ATP11A: variants seen among roughly 807,000 people sequenced by gnomAD.
ATP11A encodes the protein phospholipid-transporting ATPase IH.
A neutral mutation model predicts 154.4 loss-of-function variants in ATP11A; 81 were observed. The observed-to-expected ratio is 0.52, with a 90% CI of 0.44 to 0.63. ATP11A has a LOEUF of 0.63. Among genes scored for constraint, ATP11A ranks in the 30% least tolerant of loss-of-function variants. The pLI is 0.00. For missense variants in ATP11A, 1,316 were observed against 1,474.3 expected (o/e 0.89, Z 1.76); for synonymous variants, 623 against 585.9 (o/e 1.06, Z -0.91).
chr13:112,720,471 G>A (rs76014272), intron 1 of ATP11A, among the ~76,000 whole-genome samples: 18 of 152,338 alleles, frequency 1.2e-4, no homozygotes, highest in East Asian at 1.9e-4. Context: ...CTGTGGCCGC[G>A]GGTCCCGTGA....
intron 1 of ATP11A, among the ~76,000 whole-genome samples, chr13:112,765,655 G>A (rs1256795582): frequency 1.3e-5 from 2 of 152,220 alleles, no homozygotes; most frequent in African/African-American, 4.8e-5. Context: ...AGAGACCTAA[G>A]AACCATTCGA....
intron 1 of ATP11A, among the ~76,000 whole-genome samples, chr13:112,714,546 C>T (rs997120725): frequency 6.6e-6 from 1 of 152,214 alleles, no homozygotes; most frequent in Non-Finnish European, 1.5e-5. Flanking sequence ...CACTCCTGAC[C>T]TGGAGGCCCG....
chr13:112,759,897 G>A (rs1463311944), intron 1 of ATP11A, among the ~76,000 whole-genome samples: 1 of 152,168 alleles, frequency 6.6e-6, no homozygotes, highest in Non-Finnish European at 1.5e-5. Context: ...CATTTTTCAT[G>A]TGAGTTGCTT....
rs756900904 is a variant in ATP11A at position 112,732,604 on chromosome 13, AGTTT to A, written c.39+42162_39+42165del. Among the ~76,000 whole-genome samples the A allele has an allele frequency of 1.6e-4, 25 of 152,210 alleles. No homozygotes were observed. In the South Asian group the frequency reaches 3.3e-3, roughly 20 times the overall value. On this transcript the variant is annotated intron_variant, in intron 1 of 29. Transcript: ENST00000375645. The stretch of plus-strand genomic sequence containing the variant: ...TTATTTTATGACCATATCTGCCTCT[AGTTT>A]GTTTGTTTGTTTATTTATTTTGAGA...
chr13:112,760,960 T>G (rs2076947808), intron 1 of ATP11A, among the ~76,000 whole-genome samples: 1 of 152,228 alleles, frequency 6.6e-6, no homozygotes, highest in African/African-American at 2.4e-5. Context: ...AACCGAGGTA[T>G]GAAAATATTA....
At chr13:112,792,241 C>T (rs983954905) in intron 2 of ATP11A, among the ~76,000 whole-genome samples, 4 of 152,100 alleles carry the variant, frequency 2.6e-5, no homozygotes, top group African/African-American at 4.8e-5. Flanking sequence ...CTGACAGTAA[C>T]CTTGATCCAG....
In ATP11A at chr13:112,857,842, A is replaced by G. The variant is rs1020657507; in HGVS notation, c.2443A>G (p.Lys815Glu). The change falls in exon 21 of 30, where the codon AAA becomes GAA. Residue 815 changes from lysine (K) to glutamate (E), a missense_variant. Coordinates refer to ENST00000375645, the MANE Select transcript of ATP11A (RefSeq NM_015205.3). Reference protein sequence around the residue: ...AQIVKLIKFSKEHPITLAIGD... With the variant: ...AQIVKLIKFSEEHPITLAIGD... Reference sequence around the variant, plus strand: ...GATTGTTAAATTAATCAAATTTTCAAAAGAGCACCCAATCACGTTAGCAAT... The same window carrying G: ...GATTGTTAAATTAATCAAATTTTCAGAAGAGCACCCAATCACGTTAGCAAT... 5.0e-6 allele frequency: 8 copies of G among 1,614,086 alleles called. No individual in the cohort carries two copies. Among genetic ancestry groups the G allele is most frequent in the Admixed American group, 1.7e-5 (1 of 60,012 alleles).
chr13:112,766,605 C>T lies in ATP11A; in HGVS notation c.40-18530C>T, dbSNP rs567929977. On this transcript the variant is annotated intron_variant, in intron 1 of 29. Transcript: ENST00000375645. ...AGGACCACCGTCACATGCTTGCATCCGTCTCCCTGTAAGGGAAGGGGAAGG... is the reference window on the plus strand; with the variant it reads ...AGGACCACCGTCACATGCTTGCATCTGTCTCCCTGTAAGGGAAGGGGAAGG... 1.9e-4 allele frequency among the ~76,000 whole-genome samples: 27 copies of T among 144,748 alleles called. 3 individuals carry two copies. Among genetic ancestry groups the T allele is most frequent in the Admixed American group, 1.4e-3 (21 of 14,982 alleles). The allele number at this position is 144,748 out of a possible 152,430, so 95.0% of individuals were successfully genotyped here.
rs915496887 is a variant in ATP11A, at chr13:112,883,344, C to T, written c.*1478C>T. ...TAGCCTTAATGGTCCTTAAAGAAGA[C>T]ATTTCAGTGTGAGATTCAGACTTCA... On this transcript the variant is annotated 3_prime_UTR_variant, in exon 30 of 30. Coordinates refer to ENST00000375645, the MANE Select transcript of ATP11A (RefSeq NM_015205.3). 5 of 397,008 alleles carry T rather than the reference C, an allele frequency of 1.3e-5. No individual in the cohort carries two copies. Among genetic ancestry groups the T allele is most frequent in the African/African-American group, 2.1e-5 (1 of 48,594 alleles). The allele number at this position is 397,008 out of a possible 1,614,324, so 24.6% of individuals were successfully genotyped here.
chr13:112,722,119 A>G (rs1243895480), intron 1 of ATP11A, among the ~76,000 whole-genome samples: 1 of 152,192 alleles, frequency 6.6e-6, no homozygotes, highest in Non-Finnish European at 1.5e-5. Context: ...ATGAGTGACC[A>G]TGGCCTGTCA....
intron 25 of ATP11A, among the ~76,000 whole-genome samples, chr13:112,863,429 C>A (rs200665381): frequency 0.024 from 619 of 25,496 alleles, no homozygotes; most frequent in Middle Eastern, 0.071. Flanking sequence ...AGTGCAGGCC[C>A]TGCAGCTTCC....
Position 112,831,491 on chromosome 13 carries a change from C to T in ATP11A, c.1338C>T (p.Val446=), listed in dbSNP as rs750286297. ...YVPHVICNGQ[V]LPESSGIDMI... is the part of the protein sequence containing the mutation. ...CCCACGTCATCTGCAACGGGCAGGT[C>T]CTCCCAGAGTCGTCAGGAATCGACA... Residue 446 remains valine (V), a synonymous_variant, in exon 13 of 30, where the codon GTC becomes GTT. Coordinates refer to ENST00000375645, the MANE Select transcript of ATP11A (RefSeq NM_015205.3). 6 of 1,614,188 alleles carry T rather than the reference C, an allele frequency of 3.7e-6. No individual in the cohort carries two copies. The highest frequency in any genetic ancestry group is 4.2e-6 in the Non-Finnish European group (5 of 1,180,038).
chr13:112,710,442 G>C (rs911711427), intron 1 of ATP11A, among the ~76,000 whole-genome samples: 1 of 152,204 alleles, frequency 6.6e-6, no homozygotes, highest in Non-Finnish European at 1.5e-5. Flanking sequence ...AAGCGCCCCA[G>C]GTTTTCCCTT....
chr13:112,778,636 C>T (rs983295574), intron 1 of ATP11A, among the ~76,000 whole-genome samples: 6 of 148,046 alleles, frequency 4.1e-5, no homozygotes, highest in South Asian at 2.2e-4. Context: ...AGTGAGTAGC[C>T]GCTGGAGTGA....
intron 1 of ATP11A, among the ~76,000 whole-genome samples, chr13:112,773,036 G>A (rs2077262333): frequency 6.6e-6 from 1 of 152,140 alleles, no homozygotes. Context: ...GGGAAGGCCT[G>A]GTCCATGGTG....
At chr13:112,783,961 G>T (rs1244301319) in intron 1 of ATP11A, among the ~76,000 whole-genome samples, 1 of 152,194 alleles carries the variant, frequency 6.6e-6, no homozygotes, top group Non-Finnish European at 1.5e-5. Context: ...CAGACACCTA[G>T]CAGGGTTGAG....
At chr13:112,793,916 C>A (rs1258278881) in intron 2 of ATP11A, among the ~76,000 whole-genome samples, 1 of 152,218 alleles carries the variant, frequency 6.6e-6, no homozygotes, top group Non-Finnish European at 1.5e-5. Context: ...ACTGGCTACC[C>A]CAAGGGGCAG....
intron 2 of ATP11A, among the ~76,000 whole-genome samples, chr13:112,787,933 A>G (rs1594694616): frequency 1.4e-5 from 2 of 148,120 alleles, no homozygotes; most frequent in Non-Finnish European, 3.0e-5. Context: ...TACTTAATTC[A>G]CACTGGGTGT....
chr13:112,858,437 G>A, intron 22 of ATP11A, 147 bp downstream of exon 22: 1 of 823,996 alleles, frequency 1.2e-6, no homozygotes, highest in East Asian at 2.8e-5. Flanking sequence ...GAATCTGATT[G>A]CAGTCATCTC....
Sources: gnomAD v4.1 joint callset for allele counts (sites outside exome capture counted in the v4.1 genomes callset) on GRCh38, gnomAD v4.1.1 for gene constraint, MANE v1.5 for transcripts, NCBI Gene and HGNC (gene_info 2026-07-23, HGNC 2026-07-21) for gene names.